SCAMP1: variants seen among roughly 807,000 people sequenced by gnomAD.
SCAMP1 encodes the protein secretory carrier membrane protein 1, also known as secretory carrier-associated membrane protein 1.
SCAMP1 carries 15 observed loss-of-function variants against 41.8 expected under a neutral mutation model. The observed-to-expected ratio is 0.36, with a 90% confidence interval of 0.24 to 0.55. The LOEUF is 0.55. Among genes scored for constraint, SCAMP1 ranks in the 20% least tolerant of loss-of-function variants. The pLI, the probability that SCAMP1 is intolerant of heterozygous loss-of-function variation, is 0.86. For synonymous variants in SCAMP1, 135 were observed against 136.8 expected (o/e 0.99, Z 0.09); for missense variants, 341 against 412.6 (o/e 0.83, Z 1.50).
At chr5:78,466,480 A>G (rs1049164984) in intron 8 of SCAMP1, among the ~76,000 whole-genome samples, 3 of 152,200 alleles carry the variant, frequency 2.0e-5, no homozygotes, top group African/African-American at 7.2e-5. Flanking sequence ...AGGAGGTACC[A>G]GAGAGTGGGG....
At chr5:78,376,051 C>T (rs1580646068) in intron 1 of SCAMP1, among the ~76,000 whole-genome samples, 1 of 152,240 alleles carries the variant, frequency 6.6e-6, no homozygotes, top group East Asian at 1.9e-4. Context: ...CATACACCCC[C>T]TCCCCTTTTG....
chr5:78,378,301 CAG>C (rs1332373406), intron 1 of SCAMP1, among the ~76,000 whole-genome samples: 1 of 152,142 alleles, frequency 6.6e-6, no homozygotes, highest in Non-Finnish European at 1.5e-5. Context: ...GACATATGTA[CAG>C]AGAGAAATAA....
chr5:78,383,157 A>G (rs996153727), intron 1 of SCAMP1, among the ~76,000 whole-genome samples: 1 of 152,128 alleles, frequency 6.6e-6, no homozygotes, highest in Non-Finnish European at 1.5e-5. Flanking sequence ...TTGGTATCAC[A>G]TTGTGGTTTT....
intron 2 of SCAMP1, among the ~76,000 whole-genome samples, chr5:78,402,248 T>C (rs1260553362): frequency 6.6e-6 from 1 of 152,092 alleles, no homozygotes; most frequent in Non-Finnish European, 1.5e-5. Context: ...GAATGTCTTC[T>C]GTCTTGGTGA....
At position 78,460,812 on chromosome 5, in the gene SCAMP1, C is replaced by CTTTCTTTCTTTCTTTCTTTCTTTTCTTT. The variant is rs1211929705; in HGVS notation, c.852+1450_852+1451insTTTCTTTCTTTCTTTCTTTCTTTTCTTT. ...TCCTTCCTTCCTTCCTTCCTCCCTT[C>CTTTCTTTCTTTCTTTCTTTCTTTTCTTT]CTTCCTTCCTTTCTTGTCTTTCCTC... On this transcript the variant is annotated intron_variant, in intron 8 of 8. Coordinates refer to ENST00000621999, the MANE Select transcript of SCAMP1 (RefSeq NM_004866.6). 3.1e-4 allele frequency among the ~76,000 whole-genome samples: 8 copies of CTTTCTTTCTTTCTTTCTTTCTTTTCTTT among 25,530 alleles called. 3 individuals carry two copies. In the East Asian group the frequency reaches 4.9e-3, roughly 16 times the overall value. 16.7% of individuals were successfully genotyped at this position (25,530 alleles called of 152,430 possible). A position where few individuals can be genotyped will look rare whatever the true frequency, so the allele number is the denominator to read the frequency against.
intron 1 of SCAMP1, among the ~76,000 whole-genome samples, chr5:78,380,130 A>T (rs557547600): frequency 6.6e-6 from 1 of 152,146 alleles, no homozygotes; most frequent in Non-Finnish European, 1.5e-5. Flanking sequence ...ATCTCCTTAT[A>T]CCATTTTACA....
chr5:78,365,838 T>G (rs1256413075), intron 1 of SCAMP1, among the ~76,000 whole-genome samples: 3 of 152,254 alleles, frequency 2.0e-5, no homozygotes, highest in Non-Finnish European at 2.9e-5. Flanking sequence ...TTATGTTATC[T>G]TTTAAGTTAC....
At chr5:78,421,703 C>A in intron 5 of SCAMP1, 98 bp from the exon 6 acceptor site, 1 of 994,832 alleles carries the variant, frequency 1.0e-6, no homozygotes, top group Non-Finnish European at 1.5e-6. Context: ...AATACATTTG[C>A]TCTTAGGAAG....
At position 78,378,970 on chromosome 5, in the gene SCAMP1, C is replaced by T. The variant is rs149320772; in HGVS notation, c.58-9867C>T. ...GGATTTTACAAGCCCTCCAGGTGAC[C>T]GCAATGCGTGCTGAAGTTTGAGAAC... is the stretch of plus-strand genomic sequence containing the variant. On this transcript the variant is annotated intron_variant, in intron 1 of 8. Transcript: ENST00000621999. Among the ~76,000 whole-genome samples the T allele has an allele frequency of 1.1e-3, 169 of 152,218 alleles. 3 individuals are homozygous for T. Among genetic ancestry groups the T allele is most frequent in the African/African-American group, 3.9e-3 (164 of 41,526 alleles).
intron 6 of SCAMP1, among the ~76,000 whole-genome samples, chr5:78,434,311 T>C (rs961441540): frequency 6.6e-6 from 1 of 152,200 alleles, no homozygotes; most frequent in African/African-American, 2.4e-5. Flanking sequence ...GTCTTTTATC[T>C]CTCTTTGAGT....
At chr5:78,444,324 G>A (rs1580700484) in intron 6 of SCAMP1, among the ~76,000 whole-genome samples, 1 of 152,312 alleles carries the variant, frequency 6.6e-6, no homozygotes, top group East Asian at 1.9e-4. Flanking sequence ...GGCTGGGGAG[G>A]CCTCACAATC....
At chr5:78,460,752 C>T (rs1176800592) in intron 8 of SCAMP1, among the ~76,000 whole-genome samples, 1 of 22,234 alleles carries the variant, frequency 4.5e-5, no homozygotes, top group African/African-American at 2.8e-4. Flanking sequence ...CTCCTTCCTT[C>T]CTTCCTTCCT....
chr5:78,404,125 A>G (rs1580668595), intron 2 of SCAMP1, among the ~76,000 whole-genome samples: 1 of 151,866 alleles, frequency 6.6e-6, no homozygotes, highest in Non-Finnish European at 1.5e-5. Flanking sequence ...CAAAAAAAAA[A>G]AAAAAAAAGG....
chr5:78,444,374 T>C (rs1174918721), intron 6 of SCAMP1, among the ~76,000 whole-genome samples: 1 of 152,214 alleles, frequency 6.6e-6, no homozygotes, highest in Admixed American at 6.5e-5. Flanking sequence ...ATGTCTTACA[T>C]GGTGGCAGGC....
chr5:78,460,750 T>C (rs1017659696), intron 8 of SCAMP1, among the ~76,000 whole-genome samples: 3 of 9,900 alleles, frequency 3.0e-4, no homozygotes, highest in Admixed American at 5.1e-4. Flanking sequence ...TTCTCCTTCC[T>C]TCCTTCCTTC....
chr5:78,389,619 A>G (rs1468000227), intron 2 of SCAMP1, among the ~76,000 whole-genome samples: 2 of 152,166 alleles, frequency 1.3e-5, no homozygotes, highest in African/African-American at 4.8e-5. Context: ...AAAAATCCTC[A>G]TAAAACAGTG....
In SCAMP1 at chr5:78,460,817, CTTCCTTTCT is replaced by C. The variant is rs1159630220; in HGVS notation, c.852+1457_852+1465del. ...CCTTCCTTCCTTCCTCCCTTCCTTC[CTTCCTTTCT>C]TGTCTTTCCTCTATCTGTCTCTCTT... On this transcript the variant is annotated intron_variant, in intron 8 of 8. Coordinates refer to ENST00000621999, the MANE Select transcript of SCAMP1 (RefSeq NM_004866.6). Among the ~76,000 whole-genome samples, 244 of 26,784 alleles carry C rather than the reference CTTCCTTTCT, an allele frequency of 9.1e-3. 36 individuals are homozygous for C. The highest frequency in any genetic ancestry group is 0.034 in the African/African-American group (225 of 6,566). 17.6% of individuals were successfully genotyped at this position (26,784 alleles called of 152,430 possible). A position where few individuals can be genotyped will look rare whatever the true frequency, so the allele number is the denominator to read the frequency against.
intron 6 of SCAMP1, 36 bp downstream of exon 6, chr5:78,421,996 A>C: frequency 6.5e-7 from 1 of 1,530,396 alleles, no homozygotes; most frequent in Non-Finnish European, 8.9e-7. Flanking sequence ...ACTCTTTAAA[A>C]CCTGTGAAGT....
At position 78,475,652 on chromosome 5, in the gene SCAMP1, A is replaced by C; in HGVS notation, c.1001A>C (p.Lys334Thr). 6.4e-7 allele frequency: 1 copy of C among 1,561,580 alleles called. No homozygotes were observed. Among genetic ancestry groups the C allele is most frequent in the Non-Finnish European group, 8.7e-7 (1 of 1,155,888 alleles). The change falls in exon 9 of 9, where the codon AAG (lysine) becomes ACG (threonine). Residue 334 changes from lysine (K) to threonine (T), a missense_variant. Physicochemically the swap from Lys to Thr is moderately conservative, Grantham distance 78 (BLOSUM62 -1). Coordinates refer to ENST00000621999, the MANE Select transcript of SCAMP1 (RefSeq NM_004866.6). ...AASSAAQNAFKGNQI is the reference protein window; with the variant it reads ...AASSAAQNAFTGNQI Reference sequence around the variant, plus strand: ...TCTAGTGCAGCTCAGAATGCTTTCAAGGGTAACCAGATTTAAGAATCTTCA... The same window carrying C: ...TCTAGTGCAGCTCAGAATGCTTTCACGGGTAACCAGATTTAAGAATCTTCA...
Sources: gnomAD v4.1 joint callset for allele counts (sites outside exome capture counted in the v4.1 genomes callset) on GRCh38, gnomAD v4.1.1 for gene constraint, MANE v1.5 for transcripts, NCBI Gene and HGNC (gene_info 2026-07-23, HGNC 2026-07-21) for gene names.